Variants in DHCR7 observed in about 807,000 individuals in gnomAD.
DHCR7 encodes the protein 7-DHC reductase.
In DHCR7, 40 loss-of-function variants were observed where a neutral mutation model predicts 43.3. The ratio of observed to expected loss-of-function variants is 0.92; its 90% CI spans 0.72 to 1.20. The LOEUF (loss-of-function observed/expected upper bound fraction) is 1.20. Ranked by LOEUF, DHCR7 falls within the 50% of genes most tolerant of loss-of-function variation. The probability of loss-of-function intolerance (pLI) is 0.00; values close to 1 mark genes in which losing one functional copy is unlikely to be tolerated. For missense variants in DHCR7, 608 were observed against 644.6 expected (o/e 0.94, Z 0.62); for synonymous variants, 298 against 271.4 (o/e 1.10, Z -0.96).
downstream of DHCR7, among the ~76,000 whole-genome samples, chr11:71,433,292 C>G (rs1477213802): frequency 6.6e-6 from 1 of 152,246 alleles, no homozygotes; most frequent in African/African-American, 2.4e-5. Context: ...CTGGATCACC[C>G]TGTTCTCGCC....
intron 8 of DHCR7, 90 bp from the exon 9 acceptor site, chr11:71,435,929 AC>A: frequency 9.3e-7 from 1 of 1,072,018 alleles, no homozygotes; most frequent in Non-Finnish European, 1.4e-6. Context: ...CTGGGGTCAA[AC>A]CCCAGCTCTG....
At chr11:71,446,505 CA>C (rs1172027484) in intron 2 of DHCR7, among the ~76,000 whole-genome samples, 1 of 152,158 alleles carries the variant, frequency 6.6e-6, no homozygotes, top group Non-Finnish European at 1.5e-5. Context: ...TAGGTACAAA[CA>C]ACAACACAAA....
At chr11:71,445,911 G>GA (rs1331200490) in intron 2 of DHCR7, among the ~76,000 whole-genome samples, 20 of 152,180 alleles carry the variant, frequency 1.3e-4, no homozygotes, top group Admixed American at 1.3e-3. Context: ...AGACAATGAT[G>GA]AAAAACTTCA....
intron 6 of DHCR7, among the ~76,000 whole-genome samples, chr11:71,439,957 T>C (rs1302582072): frequency 6.6e-6 from 1 of 152,186 alleles, no homozygotes; most frequent in Non-Finnish European, 1.5e-5. Flanking sequence ...TCCCCCAAAC[T>C]GAACTGTAAG....
downstream of DHCR7, chr11:71,434,272 G>A (rs1949247190): frequency 6.6e-6 from 1 of 152,234 alleles, no homozygotes; most frequent in Non-Finnish European, 1.5e-5. Context: ...GGCACCCAAT[G>A]CTTTGACGCC....
chr11:71,430,682 C>T (rs977861753), downstream of DHCR7, among the ~76,000 whole-genome samples: 3 of 152,104 alleles, frequency 2.0e-5, no homozygotes, highest in Non-Finnish European at 2.9e-5. Flanking sequence ...TGGTGAAGGC[C>T]GAGAATTTTA....
chr11:71,439,010 C>G lies in DHCR7; in HGVS notation c.700G>C (p.Asp234His). 1.2e-6 allele frequency: 2 copies of G among 1,614,112 alleles called. No homozygotes were observed. The highest frequency in any genetic ancestry group is 1.7e-6 in the Non-Finnish European group (2 of 1,180,048). The change falls in exon 7 of 9, where the codon GAC (aspartate) becomes CAC (histidine). Residue 234 changes from aspartate (D) to histidine (H), a missense_variant. Physicochemically the swap from Asp to His is moderately conservative, Grantham distance 81. Transcript: ENST00000355527. ...EFNPRIGKWF[D>H]FKLFFNGRPG... The stretch of plus-strand genomic sequence containing the variant: ...CGCCCATTGAAGAACAGCTTGAAGT[C>G]AAACCACTTCCCGATCCGAGGGTTA...
chr11:71,429,010 G>A (rs1435550019), intron 2 of DHCR7, among the ~76,000 whole-genome samples: 1 of 152,194 alleles, frequency 6.6e-6, no homozygotes, highest in African/African-American at 2.4e-5. Context: ...GAAGAAGTGA[G>A]CCAACAACAA....
intron 8 of DHCR7, among the ~76,000 whole-genome samples, chr11:71,436,594 T>C (rs973847576): frequency 1.3e-4 from 19 of 150,934 alleles, no homozygotes; most frequent in African/African-American, 4.7e-4. Context: ...ACCCAGGAGG[T>C]GGAGGTTGCA....
chr11:71,430,687 ATT>A (rs1373009618), downstream of DHCR7, among the ~76,000 whole-genome samples: 1 of 152,206 alleles, frequency 6.6e-6, no homozygotes, highest in African/African-American at 2.4e-5. Flanking sequence ...AAGGCCGAGA[ATT>A]TTACTGAGCA....
At chr11:71,440,826 C>T (rs1949340771) in intron 6 of DHCR7, among the ~76,000 whole-genome samples, 1 of 152,086 alleles carries the variant, frequency 6.6e-6, no homozygotes, top group African/African-American at 2.4e-5. Flanking sequence ...CAGCAGGGCT[C>T]TCCTGGGAAG....
intron 6 of DHCR7, 136 bp from the exon 7 acceptor site, chr11:71,439,219 A>C: frequency 1.2e-6 from 1 of 827,784 alleles, no homozygotes; most frequent in Non-Finnish European, 1.9e-6. Flanking sequence ...GAAGCTGGCC[A>C]TGAGCCGCTG....
intron 5 of DHCR7, among the ~76,000 whole-genome samples, chr11:71,441,976 T>A (rs570454821): frequency 1.3e-4 from 20 of 152,264 alleles, no homozygotes; most frequent in Admixed American, 8.5e-4. Flanking sequence ...CTCTGCATGG[T>A]GGTCTCTGCA....
At chr11:71,432,215 G>A (rs1004875603), downstream of DHCR7, among the ~76,000 whole-genome samples, 8 of 152,184 alleles carry the variant, frequency 5.3e-5, no homozygotes, top group Non-Finnish European at 1.0e-4. Flanking sequence ...ATTTCTTGAC[G>A]TGAATGAACA....
At chr11:71,439,473 G>A (rs949452633) in intron 6 of DHCR7, among the ~76,000 whole-genome samples, 8 of 152,322 alleles carry the variant, frequency 5.3e-5, no homozygotes, top group Admixed American at 3.9e-4. Flanking sequence ...CTGAGATTAC[G>A]TTCTGGGGCC....
downstream of DHCR7, among the ~76,000 whole-genome samples, chr11:71,432,871 G>A (rs749672932): frequency 6.6e-6 from 1 of 152,244 alleles, no homozygotes; most frequent in Non-Finnish European, 1.5e-5. Flanking sequence ...TATGTGCTGA[G>A]CAATTGATTG....
chr11:71,429,782 T>C (rs1323902109), downstream of DHCR7, among the ~76,000 whole-genome samples: 1 of 152,126 alleles, frequency 6.6e-6, no homozygotes, highest in African/African-American at 2.4e-5. Flanking sequence ...GTGAGCCAGG[T>C]GGACTTGCCT....
rs1949391392 is a variant in DHCR7 at position 71,444,974 on chromosome 11, C to A, written c.-6-16G>T. The A allele has an allele frequency of 2.5e-6, 4 of 1,604,402 alleles. No individual in the cohort carries two copies. The highest frequency in any genetic ancestry group is 3.4e-6 in the Non-Finnish European group (4 of 1,171,306). ...CCATTGGGCCCTGCAAGAAAGAGAA[C>A]CTTGCTTACATTATCCCTCAAATAA... On this transcript the variant is annotated splice_polypyrimidine_tract_variant and intron_variant, in intron 2 of 8. Coordinates refer to ENST00000355527, the MANE Select transcript of DHCR7 (RefSeq NM_001360.3).
At chr11:71,442,997 T>A (rs1225422635) in intron 4 of DHCR7, among the ~76,000 whole-genome samples, 1 of 152,236 alleles carries the variant, frequency 6.6e-6, no homozygotes, top group Non-Finnish European at 1.5e-5. Flanking sequence ...CACTGAGCTT[T>A]CTGCCTCTGT....
Sources: gnomAD v4.1 joint callset for allele counts (sites outside exome capture counted in the v4.1 genomes callset) on GRCh38, gnomAD v4.1.1 for gene constraint, MANE v1.5 for transcripts, NCBI Gene and HGNC (gene_info 2026-07-23, HGNC 2026-07-21) for gene names.